The following TENM3 variants were observed in gnomAD, a reference collection of about 807,000 sequenced individuals.
The protein encoded by TENM3 is teneurin transmembrane protein 3.
Under a neutral mutation model 255.1 loss-of-function variants are expected in TENM3, and 63 were observed. That is an observed-to-expected ratio of 0.25 (90% confidence interval 0.20 to 0.30). The LOEUF is 0.30. Ranked by LOEUF, TENM3 falls within the 10% of genes least tolerant of loss-of-function variation. The pLI, the probability that TENM3 is intolerant of heterozygous loss-of-function variation, is 1.00. For synonymous variants in TENM3, 1,306 were observed against 1,322.3 expected (o/e 0.99, Z 0.27); for missense variants, 2,929 against 3,461.1 (o/e 0.85, Z 3.86).
At chr4:181,481,125 A>G in the TENM3 span, among the ~76,000 whole-genome samples, 159 of 94,940 alleles carry the variant, frequency 1.7e-3, 3 homozygotes, top group Non-Finnish European at 3.5e-3. Flanking sequence ...GAGTTTTATA[A>G]GAAAAAAACC....
the TENM3 span, among the ~76,000 whole-genome samples, chr4:181,454,205 C>T: frequency 6.0e-4 from 91 of 152,268 alleles, no homozygotes; most frequent in African/African-American, 2.0e-3. Context: ...ACCACACTGT[C>T]TCCTGCCCTA....
At chr4:182,559,124 G>A (rs991374063) in intron 3 of TENM3, among the ~76,000 whole-genome samples, 2 of 126,884 alleles carry the variant, frequency 1.6e-5, no homozygotes, top group African/African-American at 5.5e-5. Context: ...TTTATTCCTC[G>A]GGATTTTTTT....
At chr4:182,335,853 C>A (rs927634172) in intron 2 of TENM3, among the ~76,000 whole-genome samples, 4 of 151,912 alleles carry the variant, frequency 2.6e-5, no homozygotes, top group African/African-American at 9.7e-5. Context: ...GATAAACAGC[C>A]CAATGGGAAA....
chr4:182,616,879 A>G (rs571358269), intron 4 of TENM3, among the ~76,000 whole-genome samples: 11 of 152,280 alleles, frequency 7.2e-5, no homozygotes, highest in South Asian at 4.1e-4. Flanking sequence ...GTAATTTTCT[A>G]TGGGGGCTTT....
intron 3 of TENM3, among the ~76,000 whole-genome samples, chr4:182,356,809 T>C (rs1765575202): frequency 6.6e-6 from 1 of 151,956 alleles, no homozygotes; most frequent in African/African-American, 2.4e-5. Flanking sequence ...GCTGGTGTGC[T>C]GCACCCACTA....
the TENM3 span, among the ~76,000 whole-genome samples, chr4:181,873,976 G>A: frequency 1.3e-5 from 2 of 152,114 alleles, no homozygotes; most frequent in Admixed American, 6.6e-5. Context: ...ATAGAGACAG[G>A]GTTTCACCAT....
the TENM3 span, among the ~76,000 whole-genome samples, chr4:181,465,703 A>G: frequency 1.3e-5 from 2 of 152,192 alleles, no homozygotes; most frequent in African/African-American, 2.4e-5. Context: ...ATTTTAAAAG[A>G]TCAATAGGAC....
At position 182,522,311 on chromosome 4, in the gene TENM3, A is replaced by G. The variant is rs542861387; in HGVS notation, c.512-78613A>G. Among the ~76,000 whole-genome samples the G allele has an allele frequency of 1.3e-3, 203 of 152,288 alleles. 2 individuals carry two copies. The highest frequency in any genetic ancestry group is 4.6e-3 in the African/African-American group (193 of 41,562). On this transcript the variant is annotated intron_variant, in intron 3 of 27. Transcript: ENST00000511685. ...CCTGTCTCACTGTATTTTCATGTCC[A>G]TCAACCAAATTATCTTGATCTTTTT...
At chr4:182,476,473 T>C (rs917248272) in intron 3 of TENM3, among the ~76,000 whole-genome samples, 13 of 152,180 alleles carry the variant, frequency 8.5e-5, no homozygotes, top group African/African-American at 2.9e-4. Flanking sequence ...TTAGAAAATG[T>C]TTATTTTTAA....
At chr4:182,210,846 A>G (rs2149889077) in intron 1 of TENM3, among the ~76,000 whole-genome samples, 1 of 152,120 alleles carries the variant, frequency 6.6e-6, no homozygotes, top group South Asian at 2.1e-4. Context: ...CAGTCTAGGT[A>G]CCCTCTCTCC....
intron 3 of TENM3, among the ~76,000 whole-genome samples, chr4:182,567,242 A>C (rs1743885415): frequency 6.6e-6 from 1 of 152,106 alleles, no homozygotes; most frequent in Admixed American, 6.5e-5. Context: ...AGAATTCAAC[A>C]ATTTCCTGTC....
At chr4:181,989,913 C>T in the TENM3 span, among the ~76,000 whole-genome samples, 1 of 152,048 alleles carries the variant, frequency 6.6e-6, no homozygotes, top group Non-Finnish European at 1.5e-5. Flanking sequence ...ATAAGAAATG[C>T]AGTTTCTCTA....
chr4:182,665,990 G>A (rs1754646206), intron 6 of TENM3, among the ~76,000 whole-genome samples: 1 of 152,040 alleles, frequency 6.6e-6, no homozygotes, highest in African/African-American at 2.4e-5. Flanking sequence ...ACTAACATTA[G>A]CAAGAGTTTG....
chr4:182,166,388 T>A (rs1035887353), intron 1 of TENM3, among the ~76,000 whole-genome samples: 1 of 152,136 alleles, frequency 6.6e-6, no homozygotes, highest in Non-Finnish European at 1.5e-5. Context: ...GCTTCTGCCA[T>A]GAGATTGAAG....
the TENM3 span, among the ~76,000 whole-genome samples, chr4:181,561,355 G>C: frequency 6.7e-6 from 1 of 150,372 alleles, no homozygotes; most frequent in African/African-American, 2.5e-5. Flanking sequence ...AAACTTTCTT[G>C]AGTATGAAAT....
intron 1 of TENM3, among the ~76,000 whole-genome samples, chr4:182,276,137 G>C (rs1759985145): frequency 1.3e-5 from 2 of 152,152 alleles, no homozygotes; most frequent in Non-Finnish European, 2.9e-5. Flanking sequence ...AGGCACCAGA[G>C]AGCCCACAGA....
At chr4:182,662,452 A>T (rs529950148) in intron 6 of TENM3, among the ~76,000 whole-genome samples, 4 of 152,230 alleles carry the variant, frequency 2.6e-5, no homozygotes, top group African/African-American at 7.2e-5. Flanking sequence ...TTGATTCCTA[A>T]CCCACAAGCT....
intron 3 of TENM3, among the ~76,000 whole-genome samples, chr4:182,569,810 A>G (rs561960351): frequency 6.6e-6 from 1 of 152,318 alleles, no homozygotes; most frequent in Non-Finnish European, 1.5e-5. Flanking sequence ...AGTAAATTTG[A>G]TAACTGCTAG....
the TENM3 span, among the ~76,000 whole-genome samples, chr4:181,769,606 T>G: frequency 6.6e-6 from 1 of 152,220 alleles, no homozygotes; most frequent in Admixed American, 6.5e-5. Context: ...ACATTAAATA[T>G]CTACATAAAG....
Sources: gnomAD v4.1 joint callset for allele counts (sites outside exome capture counted in the v4.1 genomes callset) on GRCh38, gnomAD v4.1.1 for gene constraint, MANE v1.5 for transcripts, NCBI Gene and HGNC (gene_info 2026-07-23, HGNC 2026-07-21) for gene names.